TTBK2: variants seen among roughly 807,000 people sequenced by gnomAD.
The protein encoded by TTBK2 is tau-tubulin kinase 2.
Under a neutral mutation model 110.8 loss-of-function variants are expected in TTBK2, and 28 were observed. That is an observed-to-expected ratio of 0.25 (90% CI 0.19 to 0.35). The LOEUF (loss-of-function observed/expected upper bound fraction) is 0.35. Ranked by LOEUF, TTBK2 falls within the 10% of genes least tolerant of loss-of-function variation. The pLI is 1.00. For synonymous variants in TTBK2, 532 were observed against 527.3 expected (o/e 1.01, Z -0.12); for missense variants, 1,369 against 1,500.3 (o/e 0.91, Z 1.45).
chr15:42,854,997 G>A (rs919626443), intron 3 of TTBK2: 2 of 152,046 alleles, frequency 1.3e-5, no homozygotes, highest in Non-Finnish European at 2.9e-5. Context: ...TTGCCACTAA[G>A]CATAATATAA....
At chr15:42,853,805 T>C (rs868633368) in intron 3 of TTBK2, among the ~76,000 whole-genome samples, 16 of 152,038 alleles carry the variant, frequency 1.1e-4, no homozygotes, top group African/African-American at 3.6e-4. Flanking sequence ...TACTTGAACC[T>C]GGGAGGTGGA....
In TTBK2 at chr15:42,817,086, C is replaced by T; in HGVS notation, c.549G>A (p.Val183=). ...AACGAACTGTCCCTCGAAAACCTGC[C>T]ACAGCTCGAGGCTACAACGAAGCCA... ...SCGDVRPPRA[V]AGFRGTVRYA... The change falls in exon 7 of 15, where the codon GTG becomes GTA. Residue 183 remains valine, a synonymous_variant. Transcript: ENST00000267890. 6.2e-7 allele frequency: 1 copy of T among 1,608,002 alleles called. No homozygotes were observed. Among genetic ancestry groups the T allele is most frequent in the South Asian group, 1.1e-5 (1 of 90,918 alleles).
At chr15:42,878,068 G>A (rs1280283407) in intron 2 of TTBK2, among the ~76,000 whole-genome samples, 5 of 146,098 alleles carry the variant, frequency 3.4e-5, no homozygotes, top group Non-Finnish European at 7.5e-5. Context: ...TTTTTTTCCC[G>A]GGTTCACGCC....
At chr15:42,771,466 T>C (rs1019239996) in intron 13 of TTBK2, among the ~76,000 whole-genome samples, 2 of 152,204 alleles carry the variant, frequency 1.3e-5, no homozygotes, top group African/African-American at 4.8e-5. Flanking sequence ...AACTTTTCAT[T>C]GCCAACCTGA....
intron 7 of TTBK2, among the ~76,000 whole-genome samples, chr15:42,815,860 A>G (rs112255843): frequency 1.6e-5 from 2 of 123,254 alleles, no homozygotes; most frequent in Non-Finnish European, 3.1e-5. Flanking sequence ...CTCTCTCTCT[A>G]TATATATATA....
In TTBK2 at chr15:42,871,459, T is replaced by C. The variant is rs892860372; in HGVS notation, c.217+1152A>G. 7.1e-6 allele frequency: 7 copies of C among 985,206 alleles called. No homozygotes were observed. The African/African-American group carries it at 1.2e-4, about 17-fold the overall frequency. 61.0% of individuals were successfully genotyped at this position (985,206 alleles called of 1,614,324 possible). A position where few individuals can be genotyped will look rare whatever the true frequency, so the allele number is the denominator to read the frequency against. Reference sequence around the variant, plus strand: ...TCCTGCCTCACCTGGAAGCATCTCCTTGGAGCCAAGTAGGAGAAAGGTGAA... The same window carrying C: ...TCCTGCCTCACCTGGAAGCATCTCCCTGGAGCCAAGTAGGAGAAAGGTGAA... On this transcript the variant is annotated intron_variant, in intron 3 of 14. Transcript: ENST00000267890.
chr15:42,758,316 G>T (rs1036163414), intron 13 of TTBK2, among the ~76,000 whole-genome samples: 2 of 152,120 alleles, frequency 1.3e-5, no homozygotes, highest in Non-Finnish European at 2.9e-5. Context: ...TTCTACCATA[G>T]ACCTTTTTTG....
intron 3 of TTBK2, among the ~76,000 whole-genome samples, chr15:42,842,426 G>A (rs1446258451): frequency 6.6e-6 from 1 of 152,116 alleles, no homozygotes; most frequent in Non-Finnish European, 1.5e-5. Flanking sequence ...TTTATAATGG[G>A]TTAAAGAGTA....
intron 1 of TTBK2, among the ~76,000 whole-genome samples, chr15:42,908,989 C>A (rs1212757525): frequency 6.6e-6 from 1 of 152,192 alleles, no homozygotes; most frequent in African/African-American, 2.4e-5. Flanking sequence ...AAAAACAACA[C>A]AAATTTATAA....
At chr15:42,787,902 G>A (rs188947328) in intron 10 of TTBK2, among the ~76,000 whole-genome samples, 30 of 152,044 alleles carry the variant, frequency 2.0e-4, no homozygotes, top group Non-Finnish European at 1.9e-4. Flanking sequence ...TGATCACAGC[G>A]TACTTAAAAA....
In TTBK2 at chr15:42,753,212, CT is replaced by C; in HGVS notation, c.2033del (p.Gln678ArgfsTer39). ...TIPRPSVASTQSTSGSFHCGQ... is the reference protein window; with the variant it reads ...TIPRPSVASTXSTSGSFHCGQ... ...CACAGTGAAAGCTTCCTGAAGTTGA[CT>C]GTGTAGATGCCACAGAAGGTCTAGG... is the stretch of plus-strand genomic sequence containing the variant. On this transcript the variant is annotated frameshift_variant, in exon 14 of 15. Transcript: ENST00000267890. LOFTEE classifies it high-confidence loss of function. The C allele has an allele frequency of 6.2e-7, 1 of 1,613,154 alleles. No homozygotes were observed. The highest frequency in any genetic ancestry group is 8.5e-7 in the Non-Finnish European group (1 of 1,179,802).
intron 1 of TTBK2, among the ~76,000 whole-genome samples, chr15:42,895,774 T>C (rs1281821826): frequency 6.6e-6 from 1 of 151,904 alleles, no homozygotes; most frequent in Admixed American, 6.6e-5. Context: ...CCTGACCTTG[T>C]GATCTGCCCA....
chr15:42,841,205 T>C (rs1893205303), intron 3 of TTBK2, among the ~76,000 whole-genome samples: 2 of 152,124 alleles, frequency 1.3e-5, no homozygotes, highest in Non-Finnish European at 2.9e-5. Flanking sequence ...CAAAAGTTCG[T>C]TGTTATTTTT....
chr15:42,905,200 T>A (rs910863176), intron 1 of TTBK2, among the ~76,000 whole-genome samples: 1 of 152,034 alleles, frequency 6.6e-6, no homozygotes, highest in Non-Finnish European at 1.5e-5. Context: ...TTAAGTCATA[T>A]AGATTCACAT....
At chr15:42,785,681 A>G (rs1890382047) in intron 10 of TTBK2, among the ~76,000 whole-genome samples, 1 of 151,502 alleles carries the variant, frequency 6.6e-6, no homozygotes, top group African/African-American at 2.4e-5. Flanking sequence ...TTTCTAGTTC[A>G]CAGTTTTCCT....
intron 1 of TTBK2, among the ~76,000 whole-genome samples, chr15:42,907,874 C>A (rs2030502080): frequency 6.7e-6 from 1 of 149,076 alleles, no homozygotes; most frequent in African/African-American, 2.5e-5. Flanking sequence ...AGTATGAGAC[C>A]ATCCTGGGCA....
At chr15:42,832,423 A>C (rs1892798039) in intron 4 of TTBK2, among the ~76,000 whole-genome samples, 1 of 152,198 alleles carries the variant, frequency 6.6e-6, no homozygotes, top group African/African-American at 2.4e-5. Context: ...GTAAACACAA[A>C]ACTGATAAGA....
rs775998719 is a variant in TTBK2 at position 42,746,091 on chromosome 15, G to A, written c.3439C>T (p.Pro1147Ser). 2 of 1,614,106 alleles carry A rather than the reference G, an allele frequency of 1.2e-6. No individual in the cohort carries two copies. The highest frequency in any genetic ancestry group is 1.7e-5 in the Admixed American group (1 of 60,014). The change falls in exon 15 of 15, where the codon CCT (proline) becomes TCT (serine). Residue 1147 changes from proline (P) to serine (S), a missense_variant. Transcript: ENST00000267890. ...GGAGAGGCACTGGGACTCCTGCGAGGGACAACTGGACTCTTGGGTGGTGTT... is the reference window on the plus strand; with the variant it reads ...GGAGAGGCACTGGGACTCCTGCGAGAGACAACTGGACTCTTGGGTGGTGTT... ...PKTPPKSPVV[P>S]RRSPSASPRS...
At chr15:42,881,166 C>T (rs1444344848) in intron 1 of TTBK2, among the ~76,000 whole-genome samples, 1 of 150,924 alleles carries the variant, frequency 6.6e-6, no homozygotes, top group African/African-American at 2.4e-5. Flanking sequence ...GCCTATAGTC[C>T]CAGCTACTCA....
Sources: gnomAD v4.1 joint callset for allele counts (sites outside exome capture counted in the v4.1 genomes callset) on GRCh38, gnomAD v4.1.1 for gene constraint, MANE v1.5 for transcripts, NCBI Gene and HGNC (gene_info 2026-07-23, HGNC 2026-07-21) for gene names.